Variants in AMMECR1 observed in about 807,000 individuals in gnomAD.
AMMECR1 encodes the protein nuclear protein AMMECR1.
Under a neutral mutation model 22.5 loss-of-function variants are expected in AMMECR1, and 3 were observed. That is an observed-to-expected ratio of 0.13 (90% CI 0.06 to 0.35). The LOEUF is 0.35. Among genes scored for constraint, AMMECR1 ranks in the 10% least tolerant of loss-of-function variants. The pLI is 1.00. For missense variants in AMMECR1, 235 were observed against 278.7 expected, an observed-to-expected ratio of 0.84 and a Z score of 1.12; for synonymous variants, 130 against 116.7, an observed-to-expected ratio of 1.11 and a Z score of -0.74.
At chrX:110,341,181 G>A (rs956174260) in intron 2 of AMMECR1, among the ~76,000 whole-genome samples, 5 of 112,253 alleles carry the variant, frequency 4.5e-5, no homozygotes, top group African/African-American at 1.6e-4. Context: ...AACATTCCTG[G>A]AATCTGTTTG....
chrX:110,350,974 A>AAAAAG (rs959469330), intron 2 of AMMECR1, among the ~76,000 whole-genome samples: 56 of 111,790 alleles, frequency 5.0e-4, no homozygotes, highest in African/African-American at 1.6e-3. Context: ...CCCTGTCTCA[A>AAAAAG]AAAAGAAAAG....
At chrX:110,342,313 A>G (rs986911797) in intron 2 of AMMECR1, among the ~76,000 whole-genome samples, 2 of 111,674 alleles carry the variant, frequency 1.8e-5, no homozygotes, top group East Asian at 5.6e-4. Context: ...TAATGTATAA[A>G]GAGCCTTTTA....
In AMMECR1 at chrX:110,194,893, A is replaced by C. The variant is rs1353417259; in HGVS notation, c.*3627T>G. ...GTTTCCACTTTTAAAAAATAAAAGG[A>C]AAGTCACCAGTTTATTTAAATGGAG... On this transcript the variant is annotated 3_prime_UTR_variant, in exon 6 of 6. Coordinates refer to ENST00000262844, the MANE Select transcript of AMMECR1 (RefSeq NM_015365.3). The C allele has an allele frequency of 8.9e-6, 1 of 112,582 alleles. No individual in the cohort carries two copies. Among genetic ancestry groups the C allele is most frequent in the Non-Finnish European group, 1.9e-5 (1 of 53,316 alleles). The allele number at this position is 112,582 out of a possible 1,213,427, so 9.3% of individuals were successfully genotyped here. A position where few individuals can be genotyped will look rare whatever the true frequency, so the allele number is the denominator to read the frequency against.
intron 2 of AMMECR1, among the ~76,000 whole-genome samples, chrX:110,377,557 C>G: frequency 8.9e-6 from 1 of 112,038 alleles, no homozygotes; most frequent in Non-Finnish European, 1.9e-5. Flanking sequence ...ATTCCCCGCC[C>G]ATGTCCATGT....
In AMMECR1 at chrX:110,227,737, G is replaced by C. The variant is rs192349321; in HGVS notation, c.585-11105C>G. ...CTTCACTGCTACCTAGTGCTGGCGA[G>C]GCCAAGTCTGACAAGCCAGTATGCA... On this transcript the variant is annotated intron_variant, in intron 2 of 5. Coordinates refer to ENST00000262844, the MANE Select transcript of AMMECR1 (RefSeq NM_015365.3). Among the ~76,000 whole-genome samples the C allele has an allele frequency of 1.9e-3, 217 of 111,766 alleles. 2 individuals carry two copies. Among genetic ancestry groups the C allele is most frequent in the African/African-American group, 6.9e-3 (212 of 30,787 alleles).
intron 2 of AMMECR1, among the ~76,000 whole-genome samples, chrX:110,406,983 G>T (rs1200060580): frequency 9.0e-6 from 1 of 111,430 alleles, no homozygotes; most frequent in Non-Finnish European, 1.9e-5. Flanking sequence ...CTCTGCACAG[G>T]AGCTGAATGC....
intron 2 of AMMECR1, among the ~76,000 whole-genome samples, chrX:110,413,657 G>C (rs181691662): frequency 4.1e-4 from 45 of 109,073 alleles, no homozygotes; most frequent in Non-Finnish European, 2.1e-4. Context: ...GCCTTACCAT[G>C]CTTCATCATC....
At chrX:110,266,628 G>A (rs944162179) in intron 1 of AMMECR1, among the ~76,000 whole-genome samples, 2 of 109,810 alleles carry the variant, frequency 1.8e-5, no homozygotes, top group African/African-American at 3.3e-5. Flanking sequence ...TGATCTGCCC[G>A]CCTGAGCCTC....
chrX:110,396,956 T>G (rs2068532692), intron 2 of AMMECR1, among the ~76,000 whole-genome samples: 1 of 111,856 alleles, frequency 8.9e-6, no homozygotes. Context: ...ACAGGCAGGC[T>G]GGCCACACCC....
intron 2 of AMMECR1, among the ~76,000 whole-genome samples, chrX:110,420,456 G>T (rs775289781): frequency 1.2e-3 from 139 of 112,281 alleles, no homozygotes; most frequent in African/African-American, 4.4e-3. Context: ...TGGTGCAAGA[G>T]GTGCCTCTCA....
chrX:110,205,344 G>A (rs965864791), intron 3 of AMMECR1, among the ~76,000 whole-genome samples: 2 of 111,727 alleles, frequency 1.8e-5, no homozygotes, highest in Admixed American at 1.9e-4. Flanking sequence ...TTGTTTCAGG[G>A]AGGCATCTGT....
intron 2 of AMMECR1, among the ~76,000 whole-genome samples, chrX:110,412,449 C>G (rs1018761660): frequency 4.5e-5 from 5 of 112,165 alleles, no homozygotes; most frequent in African/African-American, 1.6e-4. Flanking sequence ...GAGTTTGAGC[C>G]TTGGTTAGAC....
intron 2 of AMMECR1, among the ~76,000 whole-genome samples, chrX:110,407,406 T>G (rs1425790409): frequency 8.9e-6 from 1 of 111,757 alleles, no homozygotes; most frequent in Non-Finnish European, 1.9e-5. Context: ...ATATATAGGA[T>G]AGGACAGGTA....
intron 1 of AMMECR1, among the ~76,000 whole-genome samples, chrX:110,310,408 A>G (rs2068018750): frequency 9.0e-6 from 1 of 110,732 alleles, no homozygotes; most frequent in Non-Finnish European, 1.9e-5. Context: ...CTCCATGCAC[A>G]TGTAGTCACC....
At chrX:110,225,217 G>A (rs1364922436) in intron 2 of AMMECR1, among the ~76,000 whole-genome samples, 2 of 112,468 alleles carry the variant, frequency 1.8e-5, no homozygotes, top group Admixed American at 9.4e-5. Context: ...AAGACAGTGA[G>A]TATAAATTAA....
intron 2 of AMMECR1, among the ~76,000 whole-genome samples, chrX:110,377,925 C>T (rs910079078): frequency 1.0e-5 from 1 of 99,733 alleles, no homozygotes; most frequent in Non-Finnish European, 2.0e-5. Flanking sequence ...AGGAGAATGG[C>T]GTGAACCCGG....
rs763674932 is a variant in AMMECR1 at position 110,248,310 on chromosome X, T to C, written c.584+16179A>G. Among the ~76,000 whole-genome samples, 31 of 110,690 alleles carry C rather than the reference T, an allele frequency of 2.8e-4. No homozygotes were observed. In the East Asian group the frequency reaches 5.3e-3, roughly 19 times the overall value. Reference sequence around the variant, plus strand: ...CTGAGGTGAGAGAATTCCTTGAGCCTGGGAGGTTGAGGCTGCAATGAGCTG... The same window carrying C: ...CTGAGGTGAGAGAATTCCTTGAGCCCGGGAGGTTGAGGCTGCAATGAGCTG... On this transcript the variant is annotated intron_variant, in intron 2 of 5. Coordinates refer to ENST00000262844, the MANE Select transcript of AMMECR1 (RefSeq NM_015365.3).
At chrX:110,215,573 A>G (rs927821078) in intron 3 of AMMECR1, among the ~76,000 whole-genome samples, 7 of 112,252 alleles carry the variant, frequency 6.2e-5, no homozygotes, top group South Asian at 3.7e-4. Flanking sequence ...TGTCATAAGG[A>G]TACAATAATG....
At chrX:110,372,435 T>G (rs2068345763) in intron 2 of AMMECR1, among the ~76,000 whole-genome samples, 2 of 112,235 alleles carry the variant, frequency 1.8e-5, no homozygotes, top group African/African-American at 6.5e-5. Flanking sequence ...AGTATCTTTT[T>G]ATGCACATAA....
Sources: allele counts gnomAD v4.1 joint callset (sites outside exome capture counted in the v4.1 genomes callset), GRCh38; gene constraint gnomAD v4.1.1; transcripts MANE v1.5; gene names NCBI Gene and HGNC (gene_info 2026-07-23, HGNC 2026-07-21).